The following GRB10 variants were observed in gnomAD, a reference collection of about 807,000 sequenced individuals.
GRB10 encodes growth factor receptor-bound protein 10.
A neutral mutation model predicts 80.9 loss-of-function variants in GRB10; 20 were observed. The observed-to-expected ratio is 0.25, with a 90% CI of 0.17 to 0.36. The LOEUF is 0.36. Ranked by LOEUF, GRB10 falls within the 10% of genes least tolerant of loss-of-function variation. The pLI, the probability that GRB10 is intolerant of heterozygous loss-of-function variation, is 1.00. For synonymous variants in GRB10, 291 were observed against 291.5 expected, an observed-to-expected ratio of 1.00 and a Z score of 0.02; for missense variants, 548 against 747.7, an observed-to-expected ratio of 0.73 and a Z score of 3.12.
chr7:50,598,900 T>G (rs2153563692), intron 17 of GRB10, among the ~76,000 whole-genome samples: 1 of 149,298 alleles, frequency 6.7e-6, no homozygotes, highest in East Asian at 2.0e-4. Flanking sequence ...CAGGGATCGA[T>G]GCCTGGCACA....
intron 4 of GRB10, among the ~76,000 whole-genome samples, chr7:50,730,712 T>A (rs549283736): frequency 1.3e-5 from 2 of 152,160 alleles, no homozygotes; most frequent in East Asian, 3.9e-4. Flanking sequence ...AACAAGGCCA[T>A]CAAGGGAGGA....
chr7:50,769,572 G>A (rs988754439), intron 2 of GRB10, among the ~76,000 whole-genome samples: 7 of 152,188 alleles, frequency 4.6e-5, no homozygotes, highest in South Asian at 2.1e-4. Context: ...CTCATGGCCA[G>A]TTTTGTGCAC....
intron 5 of GRB10, among the ~76,000 whole-genome samples, chr7:50,690,891 G>C (rs187148705): frequency 1.9e-4 from 29 of 152,342 alleles, no homozygotes; most frequent in African/African-American, 6.3e-4. Flanking sequence ...GCATGGGGAA[G>C]GCGAAGGCCC....
chr7:50,605,900 G>C (rs1389743433), intron 14 of GRB10, among the ~76,000 whole-genome samples: 2 of 152,206 alleles, frequency 1.3e-5, no homozygotes, highest in East Asian at 3.9e-4. Flanking sequence ...GCTCCTTTGA[G>C]AACAGAGTGC....
At chr7:50,689,293 G>A (rs1171689266) in intron 5 of GRB10, among the ~76,000 whole-genome samples, 3 of 152,184 alleles carry the variant, frequency 2.0e-5, no homozygotes, top group Non-Finnish European at 4.4e-5. Context: ...TATGCAAGTA[G>A]ATTAGAAGCC....
chr7:50,756,173 A>C (rs2153703385), intron 2 of GRB10, 117 bp from the exon 3 acceptor site: 1 of 397,508 alleles, frequency 2.5e-6, no homozygotes, highest in East Asian at 3.6e-5. Flanking sequence ...TTTTTCCAAG[A>C]AGATCATTTA....
At chr7:50,741,799 AAG>A (rs1402629668) in intron 3 of GRB10, among the ~76,000 whole-genome samples, 1 of 152,150 alleles carries the variant, frequency 6.6e-6, no homozygotes, top group African/African-American at 2.4e-5. Context: ...TTGAACCAGA[AAG>A]AGGGAAATAT....
At chr7:50,683,745 TAAATAAAAAACAAA>T (rs146239731) in intron 5 of GRB10, among the ~76,000 whole-genome samples, 12,069 of 151,626 alleles carry the variant, frequency 0.08, 697 homozygotes, top group South Asian at 0.12. Flanking sequence ...TCAAAAAAAA[TAAATAAAAAACAAA>T]AAATAAAAAA....
At chr7:50,667,578 C>T (rs142862107) in intron 7 of GRB10, among the ~76,000 whole-genome samples, 28 of 151,670 alleles carry the variant, frequency 1.8e-4, no homozygotes, top group Middle Eastern at 3.4e-3. Context: ...CACTTGCTAC[C>T]GACTGCACTG....
intron 4 of GRB10, among the ~76,000 whole-genome samples, chr7:50,724,839 C>G (rs1384628520): frequency 2.6e-5 from 4 of 152,176 alleles, no homozygotes; most frequent in Non-Finnish European, 5.9e-5. Flanking sequence ...CATCTTCTGA[C>G]CACAGATAAA....
At chr7:50,771,218 G>A (rs530090746) in intron 2 of GRB10, among the ~76,000 whole-genome samples, 1 of 152,318 alleles carries the variant, frequency 6.6e-6, no homozygotes, top group African/African-American at 2.4e-5. Flanking sequence ...TCACTGGCCA[G>A]AAACCATGTG....
intron 4 of GRB10, among the ~76,000 whole-genome samples, chr7:50,706,182 T>C (rs1352984004): frequency 6.6e-6 from 1 of 152,262 alleles, no homozygotes; most frequent in Non-Finnish European, 1.5e-5. Context: ...ACCTTTGTTG[T>C]ACACAACTAG....
chr7:50,594,297 G>A (rs936397548), intron 18 of GRB10, among the ~76,000 whole-genome samples: 1 of 152,148 alleles, frequency 6.6e-6, no homozygotes, highest in Middle Eastern at 3.2e-3. Flanking sequence ...GAAGCAAGCA[G>A]CCACAGAAAA....
intron 2 of GRB10, among the ~76,000 whole-genome samples, chr7:50,766,657 A>G (rs184043306): frequency 6.6e-6 from 1 of 152,310 alleles, no homozygotes; most frequent in Admixed American, 6.5e-5. Context: ...CCTCTCCTCA[A>G]TGAAGAAAGC....
At chr7:50,650,671 TG>T (rs1331546390) in intron 7 of GRB10, among the ~76,000 whole-genome samples, 1 of 152,114 alleles carries the variant, frequency 6.6e-6, no homozygotes, top group Non-Finnish European at 1.5e-5. Flanking sequence ...TGAGTGCTGA[TG>T]GGGAATGGAT....
Position 50,591,383 on chromosome 7 carries a change from G to C in GRB10, c.*1569C>G, listed in dbSNP as rs1055480645. 6.6e-6 allele frequency: 1 copy of C among 152,246 alleles called. No homozygotes were observed. Among genetic ancestry groups the C allele is most frequent in the African/African-American group, 2.4e-5 (1 of 41,452 alleles). The allele number at this position is 152,246 out of a possible 1,614,324, so 9.4% of individuals were successfully genotyped here. A position where few individuals can be genotyped will look rare whatever the true frequency, so the allele number is the denominator to read the frequency against. On this transcript the variant is annotated 3_prime_UTR_variant, in exon 19 of 19. Transcript: ENST00000401949. ...GAGCAGAGAAATGCTGTTCCTTAGG[G>C]AACACTTCAGTGGGGCGGATTTGGG...
intron 7 of GRB10, among the ~76,000 whole-genome samples, chr7:50,649,142 G>A (rs182246413): frequency 6.4e-4 from 98 of 152,172 alleles, no homozygotes; most frequent in Non-Finnish European, 1.2e-3. Flanking sequence ...ATTCTCGGAG[G>A]TGTGGACAGA....
At chr7:50,694,817 G>C (rs908005981) in intron 5 of GRB10, among the ~76,000 whole-genome samples, 6 of 152,050 alleles carry the variant, frequency 3.9e-5, no homozygotes, top group African/African-American at 1.4e-4. Context: ...TTTTTCCATT[G>C]TAAGAATAAC....
At chr7:50,664,423 G>C (rs956875274) in intron 7 of GRB10, among the ~76,000 whole-genome samples, 14 of 152,318 alleles carry the variant, frequency 9.2e-5, no homozygotes, top group Non-Finnish European at 1.2e-4. Context: ...CAGTCACCAG[G>C]CCGTGGCGGG....
Sources: gnomAD v4.1 joint callset for allele counts (sites outside exome capture counted in the v4.1 genomes callset) on GRCh38, gnomAD v4.1.1 for gene constraint, MANE v1.5 for transcripts, NCBI Gene and HGNC (gene_info 2026-07-23, HGNC 2026-07-21) for gene names.